Variants in FARS2 observed in about 807,000 individuals in gnomAD.
FARS2 encodes phenylalanyl-tRNA synthetase 2, mitochondrial.
In FARS2, 40 loss-of-function variants were observed where a neutral mutation model predicts 46.4. That is an observed-to-expected ratio of 0.86 (90% CI 0.67 to 1.12). The LOEUF is 1.12. Among genes scored for constraint, FARS2 ranks in the 50% most tolerant of loss-of-function variants. The pLI, the probability that FARS2 is intolerant of heterozygous loss-of-function variation, is 0.00. For synonymous variants in FARS2, 234 were observed against 214.9 expected (o/e 1.09, Z -0.78); for missense variants, 513 against 567.9 (o/e 0.90, Z 0.98).
Position 5,545,289 on chromosome 6 carries a change from C to T in FARS2, c.1014C>T (p.Arg338=), listed in dbSNP as rs41302855. 7.1e-5 allele frequency: 115 copies of T among 1,614,110 alleles called. No individual in the cohort carries two copies. In the Middle Eastern group the frequency reaches 2.0e-3, roughly 28 times the overall value. Residue 338 remains arginine, a synonymous_variant, in exon 5 of 7, where the codon CGC becomes CGT. Transcript: ENST00000274680. ...GTCTCTTCTGGTGTGAGGACGAGCG[C>T]TTCCTGAAGCAGTTCTGTGTATCCA... ...DIRLFWCEDE[R]FLKQFCVSNI...
chr6:5,358,269 T>G (rs922528105), intron 1 of FARS2, among the ~76,000 whole-genome samples: 1 of 151,656 alleles, frequency 6.6e-6, no homozygotes, highest in Admixed American at 6.6e-5. Flanking sequence ...TCTTTTTCAT[T>G]AGCTGAATAT....
At position 5,365,178 on chromosome 6, in the gene FARS2, TTATTCATGCATTTATTTATGTA is replaced by T. The variant is rs1297297698; in HGVS notation, c.-21-3370_-21-3349del. 2.0e-5 allele frequency among the ~76,000 whole-genome samples: 3 copies of T among 152,250 alleles called. No individual in the cohort carries two copies. The South Asian group carries it at 6.2e-4, about 32-fold the overall frequency. On this transcript the variant is annotated intron_variant, in intron 1 of 6. Coordinates refer to ENST00000274680, the MANE Select transcript of FARS2 (RefSeq NM_006567.5). The stretch of plus-strand genomic sequence containing the variant: ...AGCTAATGTGTTTTATTGGATTTAC[TTATTCATGCATTTATTTATGTA>T]TTTAAAAACACATTGATGTATAATC...
intron 6 of FARS2, among the ~76,000 whole-genome samples, chr6:5,713,420 A>G (rs996456919): frequency 2.0e-5 from 3 of 152,382 alleles, no homozygotes; most frequent in Admixed American, 2.0e-4. Context: ...ATATTATCAC[A>G]GAAAAATGAA....
intron 6 of FARS2, among the ~76,000 whole-genome samples, chr6:5,735,708 G>A (rs1010169075): frequency 6.6e-6 from 1 of 152,170 alleles, no homozygotes; most frequent in African/African-American, 2.4e-5. Flanking sequence ...CCGCGTATTT[G>A]CTATTAATAA....
intron 6 of FARS2, among the ~76,000 whole-genome samples, chr6:5,654,785 G>A (rs557224402): frequency 3.9e-5 from 6 of 152,114 alleles, no homozygotes; most frequent in South Asian, 2.1e-4. Flanking sequence ...CCACTTATAC[G>A]TGGATTTTCT....
chr6:5,395,168 A>C (rs553209407), intron 2 of FARS2, among the ~76,000 whole-genome samples: 69 of 152,198 alleles, frequency 4.5e-4, no homozygotes, highest in African/African-American at 1.6e-3. Flanking sequence ...CTCCTGCCTC[A>C]GCCTTCTGAG....
At chr6:5,620,502 G>A (rs988027876) in intron 6 of FARS2, among the ~76,000 whole-genome samples, 5 of 152,252 alleles carry the variant, frequency 3.3e-5, no homozygotes, top group African/African-American at 1.2e-4. Context: ...CCAGGCTTTG[G>A]AAAGAGCAGG....
chr6:5,677,014 C>T (rs1465514859), intron 6 of FARS2, among the ~76,000 whole-genome samples: 1 of 152,212 alleles, frequency 6.6e-6, no homozygotes, highest in Non-Finnish European at 1.5e-5. Context: ...AAAAATCAAT[C>T]TCAATTCAGA....
intron 5 of FARS2, among the ~76,000 whole-genome samples, chr6:5,571,448 C>T (rs1772642410): frequency 6.6e-6 from 1 of 152,182 alleles, no homozygotes; most frequent in South Asian, 2.1e-4. Context: ...CGTGGAGAAT[C>T]CTACTTACTG....
At chr6:5,606,676 A>T (rs1053586393) in intron 5 of FARS2, among the ~76,000 whole-genome samples, 1 of 152,152 alleles carries the variant, frequency 6.6e-6, no homozygotes, top group Admixed American at 6.5e-5. Flanking sequence ...GGACTTTGTT[A>T]CTCAGCACAG....
intron 5 of FARS2, among the ~76,000 whole-genome samples, chr6:5,563,612 G>T (rs1004985463): frequency 1.3e-5 from 2 of 152,126 alleles, no homozygotes; most frequent in Admixed American, 1.3e-4. Context: ...GTTTCGAATG[G>T]GGAACAGTAG....
intron 6 of FARS2, among the ~76,000 whole-genome samples, chr6:5,707,145 G>A (rs146660714): frequency 1.3e-5 from 2 of 152,106 alleles, no homozygotes; most frequent in African/African-American, 2.4e-5. Context: ...CATATTTGCC[G>A]AAAGGAATGA....
At chr6:5,625,760 G>C (rs551935812) in intron 6 of FARS2, among the ~76,000 whole-genome samples, 1 of 152,178 alleles carries the variant, frequency 6.6e-6, no homozygotes, top group Non-Finnish European at 1.5e-5. Flanking sequence ...CCTGGGATGC[G>C]GGACTCTGCT....
At chr6:5,464,660 G>C (rs985521618) in intron 4 of FARS2, among the ~76,000 whole-genome samples, 4 of 152,086 alleles carry the variant, frequency 2.6e-5, no homozygotes, top group Non-Finnish European at 5.9e-5. Flanking sequence ...AGCTCGTATA[G>C]TACTGGGACC....
Position 5,377,603 on chromosome 6 carries a change from T to G in FARS2, c.612+8421T>G, listed in dbSNP as rs187993953. On this transcript the variant is annotated intron_variant, in intron 2 of 6. Coordinates refer to ENST00000274680, the MANE Select transcript of FARS2 (RefSeq NM_006567.5). The stretch of plus-strand genomic sequence containing the variant: ...TTATACAAGAATGTGCATATCTGTT[T>G]CTTGTCCTTCTTGCTAGTAGTTCTC... Among the ~76,000 whole-genome samples, 283 of 152,340 alleles carry G rather than the reference T, an allele frequency of 1.9e-3. 3 individuals are homozygous for G. Among genetic ancestry groups the G allele is most frequent in the African/African-American group, 6.6e-3 (276 of 41,584 alleles).
intron 3 of FARS2, among the ~76,000 whole-genome samples, chr6:5,420,875 G>A (rs1762508431): frequency 1.3e-5 from 2 of 152,164 alleles, no homozygotes; most frequent in African/African-American, 4.8e-5. Flanking sequence ...GTGCCATCCT[G>A]CAGGAGGCAG....
chr6:5,743,645 G>A (rs371898943), intron 6 of FARS2, among the ~76,000 whole-genome samples: 56 of 152,300 alleles, frequency 3.7e-4, no homozygotes, highest in African/African-American at 1.3e-3. Context: ...CACTGGCACC[G>A]AAGCTGTTTT....
intron 6 of FARS2, among the ~76,000 whole-genome samples, chr6:5,706,135 C>T (rs574642797): frequency 1.3e-5 from 2 of 152,262 alleles, no homozygotes; most frequent in East Asian, 1.9e-4. Context: ...AAGGAGCACA[C>T]GAGCTAGATC....
chr6:5,555,852 G>A (rs189287665), intron 5 of FARS2, among the ~76,000 whole-genome samples: 23 of 152,226 alleles, frequency 1.5e-4, no homozygotes, highest in Admixed American at 8.5e-4. Flanking sequence ...CCTTTTATAT[G>A]TATTCAGTAA....
Sources: allele counts gnomAD v4.1 joint callset (sites outside exome capture counted in the v4.1 genomes callset), GRCh38; gene constraint gnomAD v4.1.1; transcripts MANE v1.5; gene names NCBI Gene and HGNC (gene_info 2026-07-23, HGNC 2026-07-21).